RGS6: variants seen among roughly 807,000 people sequenced by gnomAD.
The protein encoded by RGS6 is regulator of G-protein signaling 6.
A neutral mutation model predicts 78.5 loss-of-function variants in RGS6; 30 were observed. That is an observed-to-expected ratio of 0.38 (90% CI 0.29 to 0.52). RGS6 has a LOEUF of 0.52. RGS6 is among the 20% of genes least tolerant of loss of function. RGS6 has a pLI of 0.85. For missense variants in RGS6, 495 were observed against 609.7 expected, an observed-to-expected ratio of 0.81 and a Z score of 1.98; for synonymous variants, 206 against 206.0, an observed-to-expected ratio of 1.00 and a Z score of 0.00.
At chr14:72,236,944 A>G (rs2051235659) in intron 2 of RGS6, among the ~76,000 whole-genome samples, 1 of 152,190 alleles carries the variant, frequency 6.6e-6, no homozygotes, top group Non-Finnish European at 1.5e-5. Flanking sequence ...CAGAATGGTG[A>G]TGCTAGTGCC....
At chr14:71,950,079 G>A (rs2092130674) in intron 1 of RGS6, among the ~76,000 whole-genome samples, 1 of 152,050 alleles carries the variant, frequency 6.6e-6, no homozygotes, top group African/African-American at 2.4e-5. Context: ...TTTATAGGAG[G>A]TCTTGATATT....
rs150575757 is a variant in RGS6, at chr14:72,246,300, A to G, written c.85-105795A>G. 9.8e-5 allele frequency among the ~76,000 whole-genome samples: 15 copies of G among 152,330 alleles called. No homozygotes were observed. In the East Asian group the frequency reaches 2.9e-3, roughly 29 times the overall value. On this transcript the variant is annotated intron_variant, in intron 2 of 17. Coordinates refer to ENST00000553525, the MANE Select transcript of RGS6 (RefSeq NM_001204424.2). ...TGATACTACCTAGTCCTACGTTTAA[A>G]AAGTAGGTTCAAAATAAACAATGGT... is the stretch of plus-strand genomic sequence containing the variant.
At chr14:72,338,038 C>T (rs1353311444) in intron 2 of RGS6, among the ~76,000 whole-genome samples, 2 of 152,166 alleles carry the variant, frequency 1.3e-5, no homozygotes, top group African/African-American at 4.8e-5. Flanking sequence ...ACACCTTTGC[C>T]TGAGCCTGCA....
rs116071292 is a variant in RGS6 at position 72,383,083 on chromosome 14, A to G, written c.184+30889A>G. Among the ~76,000 whole-genome samples, 926 of 150,386 alleles carry G rather than the reference A, an allele frequency of 6.2e-3. 6 individuals carry two copies. The highest frequency in any genetic ancestry group is 0.021 in the African/African-American group (883 of 41,074). ...AGAATACATCTTTATACTTTTACAT[A>G]TATGCTTATGTTGCATTTTGCAATT... On this transcript the variant is annotated intron_variant, in intron 3 of 17. Transcript: ENST00000553525.
chr14:72,493,048 A>G (rs2096598849), intron 12 of RGS6, among the ~76,000 whole-genome samples: 1 of 152,162 alleles, frequency 6.6e-6, no homozygotes, highest in Non-Finnish European at 1.5e-5. Flanking sequence ...CTCCCATTAA[A>G]ATACTGGTAA....
Position 72,354,192 on chromosome 14 carries a change from C to T in RGS6, c.184+1998C>T, listed in dbSNP as rs889913296. Among the ~76,000 whole-genome samples, 10 of 152,246 alleles carry T rather than the reference C, an allele frequency of 6.6e-5. No homozygotes were observed. In the East Asian group the frequency reaches 1.7e-3, roughly 26 times the overall value. ...GAACAAAGCACCCTACACTGGGTGG[C>T]TTATAAAGAACAGAAATTCATGTCT... On this transcript the variant is annotated intron_variant, in intron 3 of 17. Transcript: ENST00000553525.
chr14:72,469,353 C>T (rs1452939132), intron 7 of RGS6, among the ~76,000 whole-genome samples: 1 of 152,068 alleles, frequency 6.6e-6, no homozygotes, highest in Non-Finnish European at 1.5e-5. Flanking sequence ...ATTACAGGCA[C>T]CTGCCACCAT....
chr14:71,936,895 G>A (rs1182278038), intron 1 of RGS6, among the ~76,000 whole-genome samples: 4 of 152,196 alleles, frequency 2.6e-5, no homozygotes, highest in African/African-American at 9.7e-5. Flanking sequence ...TACCCATTCA[G>A]TATTCCTTTT....
intron 3 of RGS6, among the ~76,000 whole-genome samples, chr14:72,405,387 T>C (rs998682142): frequency 3.9e-5 from 6 of 152,152 alleles, no homozygotes; most frequent in African/African-American, 1.4e-4. Flanking sequence ...TAATAATAAT[T>C]ATCCCCCTAC....
chr14:72,137,954 T>A (rs1349319258), intron 2 of RGS6, among the ~76,000 whole-genome samples: 1 of 152,112 alleles, frequency 6.6e-6, no homozygotes, highest in Non-Finnish European at 1.5e-5. Flanking sequence ...ATATGGTTGG[T>A]TCCCCTGGCA....
At position 72,536,178 on chromosome 14, in the gene RGS6, C is replaced by T. The variant is rs749508064; in HGVS notation, c.1279-8C>T. On this transcript the variant is annotated splice_region_variant and splice_polypyrimidine_tract_variant and intron_variant, in intron 15 of 17. Transcript: ENST00000553525. ...TTCCTTGTGTCTCCTTGTCACCTTCCTCCCCAGGAGCACATCTACAAGCTG... is the reference window on the plus strand; with the variant it reads ...TTCCTTGTGTCTCCTTGTCACCTTCTTCCCCAGGAGCACATCTACAAGCTG... The T allele has an allele frequency of 1.9e-6, 3 of 1,609,692 alleles. No homozygotes were observed. The highest frequency in any genetic ancestry group is 2.6e-6 in the Non-Finnish European group (3 of 1,176,212).
intron 17 of RGS6, among the ~76,000 whole-genome samples, chr14:72,549,930 C>A (rs1567111097): frequency 6.6e-6 from 1 of 152,274 alleles, no homozygotes; most frequent in East Asian, 1.9e-4. Context: ...GGCTTCCCTC[C>A]TCTAGGGCCC....
At chr14:72,530,199 T>C (rs937386241) in intron 15 of RGS6, among the ~76,000 whole-genome samples, 3 of 152,152 alleles carry the variant, frequency 2.0e-5, no homozygotes, top group African/African-American at 7.2e-5. Flanking sequence ...TTGTGAGATA[T>C]TGAGAAGTCA....
intron 2 of RGS6, among the ~76,000 whole-genome samples, chr14:71,994,148 C>T (rs1443016972): frequency 1.3e-5 from 2 of 151,998 alleles, no homozygotes; most frequent in Non-Finnish European, 2.9e-5. Flanking sequence ...ACAGTTTGTA[C>T]TTTCCTTTCC....
chr14:72,270,281 T>C (rs1225756320), intron 2 of RGS6, among the ~76,000 whole-genome samples: 2 of 135,538 alleles, frequency 1.5e-5, no homozygotes, highest in Non-Finnish European at 3.2e-5. Flanking sequence ...GCCCACAGTA[T>C]TGGTCTGCAG....
At chr14:72,490,034 C>T (rs1044762494) in intron 12 of RGS6, among the ~76,000 whole-genome samples, 1 of 152,178 alleles carries the variant, frequency 6.6e-6, no homozygotes, top group African/African-American at 2.4e-5. Context: ...TTACAGCTCC[C>T]TTGCCCAGGT....
intron 3 of RGS6, among the ~76,000 whole-genome samples, chr14:72,398,257 A>C (rs892183538): frequency 2.4e-3 from 369 of 152,234 alleles, no homozygotes; most frequent in African/African-American, 8.4e-3. Flanking sequence ...CAGAGATTCA[A>C]CTTCTTCCTG....
At chr14:72,329,482 A>G (rs1389363963) in intron 2 of RGS6, among the ~76,000 whole-genome samples, 1 of 152,274 alleles carries the variant, frequency 6.6e-6, no homozygotes, top group Non-Finnish European at 1.5e-5. Flanking sequence ...CTGGTGGCCA[A>G]GGTCCACACC....
chr14:72,192,616 G>A (rs1283398347), intron 2 of RGS6, among the ~76,000 whole-genome samples: 1 of 152,136 alleles, frequency 6.6e-6, no homozygotes, highest in Non-Finnish European at 1.5e-5. Flanking sequence ...CTCCCCTCCT[G>A]CTCCTCCCTT....
Sources: gnomAD v4.1 joint callset for allele counts (sites outside exome capture counted in the v4.1 genomes callset) on GRCh38, gnomAD v4.1.1 for gene constraint, MANE v1.5 for transcripts, NCBI Gene and HGNC (gene_info 2026-07-23, HGNC 2026-07-21) for gene names.